Variants in FRMPD4 observed in about 807,000 individuals in gnomAD.
The protein encoded by FRMPD4 is FERM and PDZ domain-containing protein 4.
Under a neutral mutation model 94.1 loss-of-function variants are expected in FRMPD4, and 22 were observed. That is an observed-to-expected ratio of 0.23 (90% confidence interval 0.17 to 0.33). FRMPD4 has a LOEUF of 0.33. Ranked by LOEUF, FRMPD4 falls within the 10% of genes least tolerant of loss-of-function variation. The pLI, the probability that FRMPD4 is intolerant of heterozygous loss-of-function variation, is 1.00. For missense variants in FRMPD4, 1,111 were observed against 1,339.9 expected, an observed-to-expected ratio of 0.83 and a Z score of 2.67; for synonymous variants, 631 against 548.6, an observed-to-expected ratio of 1.15 and a Z score of -2.10.
intron 4 of FRMPD4, among the ~76,000 whole-genome samples, chrX:12,660,724 A>G (rs144301684): frequency 0.068 from 7,616 of 112,149 alleles, 268 homozygotes; most frequent in Middle Eastern, 0.14. Flanking sequence ...ATTAATATAA[A>G]TAATTGGTTA....
chrX:12,181,892 T>A lies in FRMPD4; in HGVS notation c.41+42880T>A, dbSNP rs111815302. 5.1e-3 allele frequency among the ~76,000 whole-genome samples: 575 copies of A among 111,861 alleles called. 4 individuals are homozygous for A. Among genetic ancestry groups the A allele is most frequent in the African/African-American group, 0.017 (534 of 30,807 alleles). On this transcript the variant is annotated intron_variant, in intron 1 of 16. Coordinates refer to ENST00000675598, the MANE Select transcript of FRMPD4 (RefSeq NM_001368397.1). ...TGGTTTCATTTTCCGGCAGCCTTTT[T>A]TTCCCTCCCATTAGCAGCTTTAAGG... is the stretch of plus-strand genomic sequence containing the variant.
At chrX:12,281,583 C>T (rs148893363) in intron 1 of FRMPD4, among the ~76,000 whole-genome samples, 40 of 110,923 alleles carry the variant, frequency 3.6e-4, no homozygotes, top group African/African-American at 1.3e-3. Context: ...CCACGTTACT[C>T]AGGCTGGTCT....
intron 1 of FRMPD4, among the ~76,000 whole-genome samples, chrX:12,188,529 T>A (rs2056451499): frequency 8.9e-6 from 1 of 111,950 alleles, no homozygotes; most frequent in Non-Finnish European, 1.9e-5. Flanking sequence ...TAGTCTATGT[T>A]CAAAGATATT....
At chrX:12,557,359 A>G (rs1041018933) in intron 2 of FRMPD4, among the ~76,000 whole-genome samples, 1 of 111,372 alleles carries the variant, frequency 9.0e-6, no homozygotes, top group African/African-American at 3.3e-5. Flanking sequence ...AAAGTGTCAG[A>G]CTCTCAATTA....
intron 2 of FRMPD4, among the ~76,000 whole-genome samples, chrX:12,566,888 A>C (rs2058717529): frequency 1.8e-5 from 2 of 110,974 alleles, no homozygotes; most frequent in Non-Finnish European, 3.8e-5. Context: ...CTCACAACTC[A>C]GCTCTCAGCG....
intron 2 of FRMPD4, among the ~76,000 whole-genome samples, chrX:12,560,999 GA>G (rs1446721574): frequency 9.3e-6 from 1 of 106,978 alleles, no homozygotes; most frequent in Non-Finnish European, 1.9e-5. Context: ...TCGATCTCCT[GA>G]CCTCGTGATC....
chrX:11,902,165 T>G (rs1225015015), intron 3 of FRMPD4, among the ~76,000 whole-genome samples: 3 of 112,969 alleles, frequency 2.7e-5, no homozygotes, highest in African/African-American at 9.7e-5. Flanking sequence ...TTTTTTGCTT[T>G]TTTCATCAAA....
chrX:12,319,430 C>T (rs183736981), intron 1 of FRMPD4, among the ~76,000 whole-genome samples: 40 of 112,280 alleles, frequency 3.6e-4, no homozygotes, highest in African/African-American at 1.3e-3. Context: ...AGGCCCTGGA[C>T]ACCAGGATGT....
chrX:12,166,626 G>C (rs1482168292), intron 1 of FRMPD4, among the ~76,000 whole-genome samples: 1 of 111,517 alleles, frequency 9.0e-6, no homozygotes, highest in Non-Finnish European at 1.9e-5. Context: ...AGAAGGAATG[G>C]TACCAGCTCC....
chrX:12,092,321 A>C (rs976087970), intron 3 of FRMPD4, among the ~76,000 whole-genome samples: 2 of 112,267 alleles, frequency 1.8e-5, no homozygotes, highest in Non-Finnish European at 3.8e-5. Context: ...TTAGCTCAAA[A>C]AATAGTTTTT....
chrX:11,911,383 G>A (rs1362318682), intron 3 of FRMPD4, among the ~76,000 whole-genome samples: 2 of 112,167 alleles, frequency 1.8e-5, no homozygotes, highest in Admixed American at 9.5e-5. Flanking sequence ...GATGAAAGAG[G>A]TTAGAATACC....
chrX:12,217,423 T>A (rs1191963750), intron 1 of FRMPD4, among the ~76,000 whole-genome samples: 1 of 112,038 alleles, frequency 8.9e-6, no homozygotes, highest in Non-Finnish European at 1.9e-5. Context: ...GCTCTCTTAG[T>A]GCAGTGGGCA....
chrX:11,901,205 G>C (rs1449600574), intron 3 of FRMPD4, among the ~76,000 whole-genome samples: 2 of 111,473 alleles, frequency 1.8e-5, no homozygotes, highest in Non-Finnish European at 1.9e-5. Context: ...CACCTGAGCA[G>C]TGTACACTGT....
chrX:12,701,751 T>A, intron 9 of FRMPD4, 123 bp from the exon 10 acceptor site: 1 of 702,957 alleles, frequency 1.4e-6, no homozygotes, highest in Non-Finnish European at 2.1e-6. Context: ...GTTTCCACAT[T>A]TAGCCTCCTT....
intron 1 of FRMPD4, among the ~76,000 whole-genome samples, chrX:12,217,015 A>T (rs751812297): frequency 4.0e-4 from 45 of 112,157 alleles, no homozygotes; most frequent in Non-Finnish European, 5.3e-4. Flanking sequence ...TGTGAAGGGG[A>T]CACAGGTGGC....
intron 3 of FRMPD4, among the ~76,000 whole-genome samples, chrX:11,987,475 G>A (rs1252562789): frequency 9.0e-6 from 1 of 111,105 alleles, no homozygotes; most frequent in Non-Finnish European, 1.9e-5. Context: ...TACTAAATGG[G>A]GAAAAACTGA....
rs759898310 is a variant in FRMPD4 at position 12,189,249 on chromosome X, A to G, written c.41+50237A>G. 3.5e-4 allele frequency among the ~76,000 whole-genome samples: 39 copies of G among 111,912 alleles called. 1 individual carries two copies. Among genetic ancestry groups the G allele is most frequent in the African/African-American group, 1.2e-3 (36 of 30,901 alleles). On this transcript the variant is annotated intron_variant, in intron 1 of 16. Transcript: ENST00000675598. Reference sequence around the variant, plus strand: ...AAAAATAGACAAACTGAATACGCCTATATCTATTATAGACATTGAATCAGT... The same window carrying G: ...AAAAATAGACAAACTGAATACGCCTGTATCTATTATAGACATTGAATCAGT...
At chrX:11,847,368 A>G (rs1312183600) in intron 1 of FRMPD4, among the ~76,000 whole-genome samples, 1 of 105,353 alleles carries the variant, frequency 9.5e-6, no homozygotes, top group Non-Finnish European at 1.9e-5. Context: ...CAATCATTAA[A>G]AAGTCAGGAA....
At chrX:11,891,534 T>C (rs1438057042) in intron 3 of FRMPD4, among the ~76,000 whole-genome samples, 1 of 112,373 alleles carries the variant, frequency 8.9e-6, no homozygotes, top group Non-Finnish European at 1.9e-5. Flanking sequence ...GTTTGCTTTG[T>C]TCCAGTCAGC....
Sources: allele counts gnomAD v4.1 joint callset (sites outside exome capture counted in the v4.1 genomes callset), GRCh38; gene constraint gnomAD v4.1.1; transcripts MANE v1.5; gene names NCBI Gene and HGNC (gene_info 2026-07-23, HGNC 2026-07-21).